The following LGSN variants were observed in gnomAD, a reference collection of about 807,000 sequenced individuals.
LGSN encodes lengsin.
LGSN carries 21 observed loss-of-function variants against 19.5 expected under a neutral mutation model. The observed-to-expected ratio is 1.07, with a 90% CI of 0.76 to 1.55. The LOEUF (loss-of-function observed/expected upper bound fraction) is 1.55, where lower values mean the gene tolerates loss of function less well. Among genes scored for constraint, LGSN ranks in the 40% most tolerant of loss-of-function variants. The pLI is 0.00. For missense variants in LGSN, 673 were observed against 608.5 expected (o/e 1.11, Z -1.12); for synonymous variants, 257 against 215.6 (o/e 1.19, Z -1.68).
chr6:63,407,632 T>G, the LGSN span, among the ~76,000 whole-genome samples: 1 of 152,008 alleles, frequency 6.6e-6, no homozygotes, highest in Non-Finnish European at 1.5e-5. Context: ...GACAGGGATG[T>G]CCTCTGTCAC....
the LGSN span, among the ~76,000 whole-genome samples, chr6:63,555,630 A>G: frequency 6.6e-6 from 1 of 151,672 alleles, no homozygotes; most frequent in African/African-American, 2.4e-5. Context: ...AAAGGCATAC[A>G]TCCACTCTGT....
chr6:63,363,691 G>A, the LGSN span, among the ~76,000 whole-genome samples: 1 of 152,150 alleles, frequency 6.6e-6, no homozygotes, highest in East Asian at 1.9e-4. Flanking sequence ...CAAGAAATAT[G>A]GGACTATGTG....
At chr6:63,423,971 C>T in the LGSN span, among the ~76,000 whole-genome samples, 7 of 152,160 alleles carry the variant, frequency 4.6e-5, no homozygotes, top group African/African-American at 1.7e-4. Context: ...ACCTGGGAGG[C>T]GGAGGTTGCA....
chr6:63,491,460 C>G, the LGSN span, among the ~76,000 whole-genome samples: 3 of 152,044 alleles, frequency 2.0e-5, no homozygotes, highest in South Asian at 6.2e-4. Context: ...CAAAGGTGAT[C>G]GGTAAAATCC....
At chr6:63,446,303 G>A in the LGSN span, among the ~76,000 whole-genome samples, 90 of 146,104 alleles carry the variant, frequency 6.2e-4, 1 homozygote, top group Non-Finnish European at 5.0e-4. Context: ...TCACCTCACT[G>A]ACTGGATTGC....
At chr6:63,505,617 G>GAAATAAAT in the LGSN span, among the ~76,000 whole-genome samples, 54 of 103,376 alleles carry the variant, frequency 5.2e-4, 8 homozygotes, top group Middle Eastern at 4.5e-3. Flanking sequence ...AAGAAAGAAA[G>GAAATAAAT]AAAGAAAGAA....
At chr6:63,524,364 A>G in the LGSN span, among the ~76,000 whole-genome samples, 1 of 152,208 alleles carries the variant, frequency 6.6e-6, no homozygotes, top group South Asian at 2.1e-4. Context: ...GTATGAAAAA[A>G]TTATTTCATA....
the LGSN span, among the ~76,000 whole-genome samples, chr6:63,404,895 A>G: frequency 2.2e-4 from 34 of 151,958 alleles, no homozygotes; most frequent in African/African-American, 5.8e-4. Flanking sequence ...ATGCTGGTGC[A>G]CTGCACCCAC....
chr6:63,287,644 G>A (rs1767594846), intron 2 of LGSN, among the ~76,000 whole-genome samples: 1 of 152,080 alleles, frequency 6.6e-6, no homozygotes, highest in Admixed American at 6.6e-5. Flanking sequence ...GGAGGTAGAG[G>A]TTGCAGTGAG....
the LGSN span, among the ~76,000 whole-genome samples, chr6:63,405,692 T>G: frequency 2.6e-5 from 4 of 152,186 alleles, no homozygotes; most frequent in African/African-American, 9.7e-5. Flanking sequence ...ACTTTAAATG[T>G]AAATGGACTA....
chr6:63,556,770 C>G, the LGSN span, among the ~76,000 whole-genome samples: 1 of 152,144 alleles, frequency 6.6e-6, no homozygotes, highest in African/African-American at 2.4e-5. Flanking sequence ...TTATTCTAAA[C>G]AGTAACGTAA....
the LGSN span, among the ~76,000 whole-genome samples, chr6:63,507,433 A>G: frequency 2.0e-5 from 3 of 152,136 alleles, no homozygotes; most frequent in Non-Finnish European, 4.4e-5. Flanking sequence ...AGCTGGATGC[A>G]TATGTTTCAT....
At chr6:63,542,271 G>A in the LGSN span, among the ~76,000 whole-genome samples, 2 of 151,990 alleles carry the variant, frequency 1.3e-5, no homozygotes, top group African/African-American at 4.8e-5. Flanking sequence ...GGGGACTCAG[G>A]GGGAAAGGGT....
At chr6:63,331,231 G>A in the LGSN span, among the ~76,000 whole-genome samples, 1 of 152,162 alleles carries the variant, frequency 6.6e-6, no homozygotes, top group South Asian at 2.1e-4. Context: ...TAAATTGCAA[G>A]CTTTGCATAG....
the LGSN span, among the ~76,000 whole-genome samples, chr6:63,505,670 TTTTGTTTTG>T: frequency 6.6e-6 from 1 of 150,546 alleles, no homozygotes; most frequent in East Asian, 1.9e-4. Flanking sequence ...TTTTGTTTTG[TTTTGTTTTG>T]TTTTTTGTTT....
chr6:63,539,413 C>T, the LGSN span, among the ~76,000 whole-genome samples: 4 of 152,176 alleles, frequency 2.6e-5, no homozygotes, highest in Admixed American at 2.6e-4. Context: ...GGGGTACTCA[C>T]TATCCTTCAT....
At chr6:63,310,474 A>C (rs192807724) in intron 1 of LGSN, among the ~76,000 whole-genome samples, 1 of 152,248 alleles carries the variant, frequency 6.6e-6, no homozygotes, top group East Asian at 1.9e-4. Context: ...GAAAACACTG[A>C]AAATCTATTC....
the LGSN span, among the ~76,000 whole-genome samples, chr6:63,373,488 C>T: frequency 5.3e-5 from 8 of 152,120 alleles, no homozygotes; most frequent in South Asian, 1.7e-3. Flanking sequence ...TGAATCTAAT[C>T]ATGAAGAAAC....
rs1316472438 is a variant in LGSN, at chr6:63,278,182, T to C, written c.*1839A>G. On this transcript the variant is annotated 3_prime_UTR_variant, in exon 4 of 4. Transcript: ENST00000370657. ...CACTGAACCTAATAACATGACCACA[T>C]CCAACCTTAATGAAGGCTCAGAAAT... 1 of 151,932 alleles carries C rather than the reference T, an allele frequency of 6.6e-6. No individual in the cohort carries two copies. The highest frequency in any genetic ancestry group is 1.5e-5 in the Non-Finnish European group (1 of 67,990). The allele number at this position is 151,932 out of a possible 1,614,324, so 9.4% of individuals were successfully genotyped here. A position where few individuals can be genotyped will look rare whatever the true frequency, so the allele number is the denominator to read the frequency against.
Sources: allele counts gnomAD v4.1 joint callset (sites outside exome capture counted in the v4.1 genomes callset), GRCh38; gene constraint gnomAD v4.1.1; transcripts MANE v1.5; gene names NCBI Gene and HGNC (gene_info 2026-07-23, HGNC 2026-07-21).